RFX4: variants seen among roughly 807,000 people sequenced by gnomAD.
The protein encoded by RFX4 is transcription factor RFX4.
A neutral mutation model predicts 95.0 loss-of-function variants in RFX4; 10 were observed. The ratio of observed to expected loss-of-function variants is 0.11; its 90% CI spans 0.06 to 0.18. The LOEUF is 0.18. Among genes scored for constraint, RFX4 ranks in the 10% least tolerant of loss-of-function variants. The probability of loss-of-function intolerance (pLI) is 1.00; values close to 1 mark genes in which losing one functional copy is unlikely to be tolerated. For synonymous variants in RFX4, 321 were observed against 340.7 expected (o/e 0.94, Z 0.64); for missense variants, 640 against 922.0 (o/e 0.69, Z 3.96).
chr12:106,611,571 C>T (rs1311502610), intron 2 of RFX4, among the ~76,000 whole-genome samples: 4 of 151,054 alleles, frequency 2.6e-5, no homozygotes, highest in Non-Finnish European at 2.9e-5. Flanking sequence ...AGTACAGTGG[C>T]GCTGTCTCGG....
intron 1 of RFX4, among the ~76,000 whole-genome samples, chr12:106,604,987 G>A (rs2039796731): frequency 6.6e-6 from 1 of 152,264 alleles, no homozygotes; most frequent in African/African-American, 2.4e-5. Flanking sequence ...CCTCTTACTA[G>A]CCAGATGACT....
intron 10 of RFX4, among the ~76,000 whole-genome samples, chr12:106,712,406 C>T (rs997451793): frequency 3.3e-5 from 5 of 152,184 alleles, no homozygotes; most frequent in Admixed American, 2.6e-4. Context: ...CACCAACTCT[C>T]TCACACTTGG....
chr12:106,592,274 T>G (rs1373829646), intron 1 of RFX4, among the ~76,000 whole-genome samples: 1 of 152,174 alleles, frequency 6.6e-6, no homozygotes. Flanking sequence ...AACCCCAGTT[T>G]TAATGTTGAG....
chr12:106,690,553 G>T (rs558037640), intron 7 of RFX4, among the ~76,000 whole-genome samples: 1 of 150,942 alleles, frequency 6.6e-6, no homozygotes, highest in Non-Finnish European at 1.5e-5. Context: ...AATCCAGTGC[G>T]TTTGTTCTTG....
intron 5 of RFX4, among the ~76,000 whole-genome samples, chr12:106,685,139 G>T (rs1436122812): frequency 6.6e-6 from 1 of 152,164 alleles, no homozygotes; most frequent in Non-Finnish European, 1.5e-5. Context: ...TGTGAAAATC[G>T]ACTCTAGACG....
At chr12:106,642,834 GAGAGAAC>G (rs1344892220) in intron 3 of RFX4, among the ~76,000 whole-genome samples, 5 of 152,186 alleles carry the variant, frequency 3.3e-5, no homozygotes, top group Admixed American at 3.3e-4. Flanking sequence ...GTTGCAGGTG[GAGAGAAC>G]AGCTTCTACA....
At chr12:106,701,589 G>C (rs1171185877) in intron 8 of RFX4, among the ~76,000 whole-genome samples, 1 of 152,046 alleles carries the variant, frequency 6.6e-6, no homozygotes, top group East Asian at 1.9e-4. Flanking sequence ...TGTTTTAGAT[G>C]GAGTAATTTT....
intron 4 of RFX4, among the ~76,000 whole-genome samples, chr12:106,678,311 A>C (rs2041437058): frequency 6.6e-6 from 1 of 152,188 alleles, no homozygotes. Flanking sequence ...TGCTTTATAG[A>C]TGTTATGTAG....
rs112071913 is a variant in RFX4 at position 106,735,490 on chromosome 12, A to C, written c.1633+2405A>C. 2.0e-5 allele frequency among the ~76,000 whole-genome samples: 3 copies of C among 152,304 alleles called. 1 individual carries two copies. Among genetic ancestry groups the C allele is most frequent in the African/African-American group, 7.2e-5 (3 of 41,588 alleles). On this transcript the variant is annotated intron_variant, in intron 15 of 17. Transcript: ENST00000392842. ...CTAAGCCCAATGAAGAAAATCAAAG[A>C]TAAAAGAAATCTTACTAGTTTCCCC...
In RFX4 at chr12:106,720,030, C is replaced by G; in HGVS notation, c.1209C>G (p.Thr403=). Residue 403 remains threonine, a synonymous_variant, in exon 12 of 18, where the codon ACC becomes ACG. Coordinates refer to ENST00000392842, the MANE Select transcript of RFX4 (RefSeq NM_213594.3). This position sits in a 1 kb window ranked among gnomAD's most constrained non-coding sequence, Gnocchi z 4.2. ...PIESYIEWLD[T]MVDRCVVKVA... ...AGTCCTACATTGAGTGGCTGGATAC[C>G]ATGGTTGACCGCTGTGTTGTGAAGG... 6.2e-7 allele frequency: 1 copy of G among 1,614,192 alleles called. No homozygotes were observed. Among genetic ancestry groups the G allele is most frequent in the Non-Finnish European group, 8.5e-7 (1 of 1,180,018 alleles).
At chr12:106,722,732 A>C (rs2042418640) in intron 13 of RFX4, among the ~76,000 whole-genome samples, 1 of 152,186 alleles carries the variant, frequency 6.6e-6, no homozygotes, top group Non-Finnish European at 1.5e-5. Flanking sequence ...TTAGCAAACT[A>C]TCTGAAATGG....
At chr12:106,755,440 A>G (rs1211955339) in intron 17 of RFX4, among the ~76,000 whole-genome samples, 1 of 152,206 alleles carries the variant, frequency 6.6e-6, no homozygotes, top group Non-Finnish European at 1.5e-5. Context: ...TCAGAAGGTA[A>G]TGTGCCCCAG....
At chr12:106,665,239 C>T (rs542098340) in intron 4 of RFX4, among the ~76,000 whole-genome samples, 1 of 151,892 alleles carries the variant, frequency 6.6e-6, no homozygotes, top group East Asian at 1.9e-4. Flanking sequence ...TTATATAATG[C>T]CCTTCTTTAT....
chr12:106,681,711 C>T (rs748738481), intron 4 of RFX4, among the ~76,000 whole-genome samples: 21 of 152,134 alleles, frequency 1.4e-4, no homozygotes, highest in Admixed American at 2.6e-4. Flanking sequence ...AGGGGAGAGG[C>T]AGGTTCTGGA....
chr12:106,647,747 A>G (rs1016538342), intron 3 of RFX4, among the ~76,000 whole-genome samples: 5 of 152,154 alleles, frequency 3.3e-5, no homozygotes, highest in African/African-American at 4.8e-5. Flanking sequence ...AATAATGCTA[A>G]TTGTTACTCT....
chr12:106,758,534 G>A (rs931403889), intron 17 of RFX4, among the ~76,000 whole-genome samples: 1 of 152,144 alleles, frequency 6.6e-6, no homozygotes, highest in Non-Finnish European at 1.5e-5. Context: ...GGGTTCTGTG[G>A]AAAAGAGCCC....
chr12:106,711,281 A>G (rs1462623038), intron 9 of RFX4, among the ~76,000 whole-genome samples, 172 bp from the exon 10 acceptor site: 3 of 152,212 alleles, frequency 2.0e-5, no homozygotes, highest in African/African-American at 7.2e-5. Context: ...CCCACATGGG[A>G]GAACAAAGAA....
chr12:106,736,373 A>T (rs1160856047), intron 15 of RFX4, among the ~76,000 whole-genome samples: 3 of 152,158 alleles, frequency 2.0e-5, no homozygotes, highest in Non-Finnish European at 4.4e-5. Flanking sequence ...TGCAGACCCA[A>T]TGAATCAGAA....
At chr12:106,756,209 C>T (rs919603531) in intron 17 of RFX4, among the ~76,000 whole-genome samples, 1 of 152,206 alleles carries the variant, frequency 6.6e-6, no homozygotes, top group Admixed American at 6.5e-5. Flanking sequence ...TCAAAGTAAG[C>T]TGCCTCTTTC....
Sources: allele counts gnomAD v4.1 joint callset (sites outside exome capture counted in the v4.1 genomes callset), GRCh38; gene constraint gnomAD v4.1.1; non-coding constraint Gnocchi (gnomAD v3.1); transcripts MANE v1.5; gene names NCBI Gene and HGNC (gene_info 2026-07-23, HGNC 2026-07-21).